Variants in CDH2 observed in about 807,000 individuals in gnomAD.
The protein encoded by CDH2 is cadherin-2.
A neutral mutation model predicts 92.0 loss-of-function variants in CDH2; 17 were observed. The observed-to-expected ratio is 0.18, with a 90% CI of 0.13 to 0.28. CDH2 has a LOEUF of 0.28. Ranked by LOEUF, CDH2 falls within the 10% of genes least tolerant of loss-of-function variation. The pLI is 1.00. For missense variants in CDH2, 862 were observed against 1,133.1 expected (o/e 0.76, Z 3.44); for synonymous variants, 419 against 415.9 (o/e 1.01, Z -0.09).
intron 2 of CDH2, among the ~76,000 whole-genome samples, chr18:28,043,512 A>T (rs1400842055): frequency 7.5e-6 from 1 of 133,160 alleles, no homozygotes; most frequent in African/African-American, 2.9e-5. Context: ...ATATATATAT[A>T]TATAAACAGG....
At chr18:28,164,433 A>G (rs1323087543) in intron 1 of CDH2, among the ~76,000 whole-genome samples, 2 of 152,210 alleles carry the variant, frequency 1.3e-5, no homozygotes, top group Non-Finnish European at 2.9e-5. Flanking sequence ...ATTAGAATAG[A>G]AAGATGCTAA....
intron 14 of CDH2, among the ~76,000 whole-genome samples, chr18:27,977,547 G>A (rs1365492690): frequency 2.0e-5 from 3 of 152,116 alleles, no homozygotes; most frequent in Non-Finnish European, 4.4e-5. Flanking sequence ...TTAGCTGCTG[G>A]TATGGATACT....
intron 2 of CDH2, among the ~76,000 whole-genome samples, chr18:28,024,007 T>C (rs1450550930): frequency 4.6e-5 from 7 of 152,172 alleles, no homozygotes. Context: ...TGAAACCTTG[T>C]AAAAGATGGC....
chr18:28,072,257 G>T (rs1445632177), intron 2 of CDH2, among the ~76,000 whole-genome samples: 1 of 151,968 alleles, frequency 6.6e-6, no homozygotes, highest in Non-Finnish European at 1.5e-5. Context: ...GCCATAAAAA[G>T]CCCTTTCCTA....
At chr18:28,075,492 C>T (rs1001734232) in intron 2 of CDH2, among the ~76,000 whole-genome samples, 8 of 152,140 alleles carry the variant, frequency 5.3e-5, no homozygotes, top group African/African-American at 1.9e-4. Flanking sequence ...GATGAACAAA[C>T]AGGGAACTGA....
At chr18:28,009,070 C>T (rs2013023570) in intron 5 of CDH2, among the ~76,000 whole-genome samples, 1 of 152,090 alleles carries the variant, frequency 6.6e-6, no homozygotes, top group African/African-American at 2.4e-5. Flanking sequence ...TGGAGTAAAA[C>T]TGGGGAGACT....
intron 1 of CDH2, among the ~76,000 whole-genome samples, chr18:28,173,922 G>A (rs561815834): frequency 2.6e-5 from 4 of 152,138 alleles, no homozygotes; most frequent in African/African-American, 9.6e-5. Flanking sequence ...ACTTTTATCA[G>A]GTAAGCTGAA....
At chr18:27,952,424 C>T (rs1909506890) in intron 15 of CDH2, 65 bp from the exon 16 acceptor site, 1 of 1,281,490 alleles carries the variant, frequency 7.8e-7, no homozygotes, top group Non-Finnish European at 1.1e-6. Flanking sequence ...AAACCACAAG[C>T]AGATCCTAAT....
intron 4 of CDH2, 89 bp from the exon 5 acceptor site, chr18:28,009,961 C>A: frequency 1.0e-6 from 1 of 980,804 alleles, no homozygotes; most frequent in South Asian, 2.3e-5. Context: ...TGCCCTTTTT[C>A]AGCTACAAAC....
rs201334347 is a variant in CDH2, at chr18:27,952,210, G to A, written c.2664C>T (p.Asn888=). 6.3e-5 allele frequency: 101 copies of A among 1,613,502 alleles called. No homozygotes were observed. Among genetic ancestry groups the A allele is most frequent in the African/African-American group, 9.4e-5 (7 of 74,834 alleles). The change falls in exon 16 of 16, where the codon AAC becomes AAT. Residue 888 remains asparagine, a synonymous_variant. Transcript: ENST00000269141. ...GTTTCTTGAACCGTGGCCCCCAGTCGTTCAGGTAATCATAGTCCTGCTCAC... is the reference window on the plus strand; with the variant it reads ...GTTTCTTGAACCGTGGCCCCCAGTCATTCAGGTAATCATAGTCCTGCTCAC... ...SGGEQDYDYL[N]DWGPRFKKLA... is the part of the protein sequence containing the mutation.
chr18:28,142,226 T>C (rs1361197698), intron 2 of CDH2, among the ~76,000 whole-genome samples: 2 of 152,024 alleles, frequency 1.3e-5, no homozygotes, highest in East Asian at 1.9e-4. Context: ...GCATGCATGA[T>C]AGATGTGGAG....
intron 2 of CDH2, among the ~76,000 whole-genome samples, chr18:28,092,228 T>C (rs975477013): frequency 1.8e-4 from 27 of 152,090 alleles, no homozygotes; most frequent in African/African-American, 6.0e-4. Context: ...TAACATGTAA[T>C]GACAGTCTTG....
At chr18:28,160,832 G>A (rs2016295858) in intron 1 of CDH2, among the ~76,000 whole-genome samples, 1 of 152,178 alleles carries the variant, frequency 6.6e-6, no homozygotes, top group Non-Finnish European at 1.5e-5. Context: ...CCCAGTGGGA[G>A]GTTGTTTAGC....
At chr18:28,174,365 C>A (rs992080762) in intron 1 of CDH2, among the ~76,000 whole-genome samples, 1 of 152,166 alleles carries the variant, frequency 6.6e-6, no homozygotes, top group African/African-American at 2.4e-5. Context: ...AGCACAAAGT[C>A]ATTTCTAATC....
intron 1 of CDH2, among the ~76,000 whole-genome samples, chr18:28,164,169 C>T (rs368931517): frequency 3.3e-5 from 5 of 152,094 alleles, no homozygotes; most frequent in African/African-American, 4.8e-5. Context: ...AATCTGCTTT[C>T]GGTGTTTTTC....
chr18:28,092,301 A>T (rs989788225), intron 2 of CDH2, among the ~76,000 whole-genome samples: 2 of 152,152 alleles, frequency 1.3e-5, no homozygotes, highest in Admixed American at 1.3e-4. Flanking sequence ...CATGATGCCA[A>T]ATCAACAATA....
In CDH2 at chr18:28,110,690, G is replaced by A. The variant is rs185734337; in HGVS notation, c.172+36983C>T. Among the ~76,000 whole-genome samples the A allele has an allele frequency of 4.8e-3, 723 of 152,188 alleles. 26 individuals are homozygous for A. The highest frequency in any genetic ancestry group is 0.042 in the Admixed American group (648 of 15,272). ...CACTAAAAGAAAGAAATTAATGATC[G>A]TGAAATCAATGCATACTGTAATTGC... On this transcript the variant is annotated intron_variant, in intron 2 of 15. Coordinates refer to ENST00000269141, the MANE Select transcript of CDH2 (RefSeq NM_001792.5).
At chr18:27,941,099 T>A (rs926539945) in intron 6 of CDH2, among the ~76,000 whole-genome samples, 19 of 149,936 alleles carry the variant, frequency 1.3e-4, no homozygotes, top group Admixed American at 6.1e-4. Context: ...GCAGTGGTGC[T>A]GTCTTGGCTC....
chr18:28,094,925 T>C (rs903625857), intron 2 of CDH2, among the ~76,000 whole-genome samples: 3 of 151,700 alleles, frequency 2.0e-5, no homozygotes, highest in Non-Finnish European at 4.4e-5. Context: ...TCAAAACCTA[T>C]AAATTGGGGG....
Sources: gnomAD v4.1 joint callset for allele counts (sites outside exome capture counted in the v4.1 genomes callset) on GRCh38, gnomAD v4.1.1 for gene constraint, MANE v1.5 for transcripts, NCBI Gene and HGNC (gene_info 2026-07-23, HGNC 2026-07-21) for gene names.